EDIL3: variants seen among roughly 807,000 people sequenced by gnomAD.
EDIL3 encodes the protein EGF like and discoidin domains 3, also known as EGF-like repeat and discoidin I-like domain-containing protein 3.
EDIL3 carries 37 observed loss-of-function variants against 67.4 expected under a neutral mutation model. That is an observed-to-expected ratio of 0.55 (90% CI 0.42 to 0.72). The LOEUF (loss-of-function observed/expected upper bound fraction) is 0.72, where lower values mean the gene tolerates loss of function less well. Ranked by LOEUF, EDIL3 falls within the 30% of genes least tolerant of loss-of-function variation. The pLI, the probability that EDIL3 is intolerant of heterozygous loss-of-function variation, is 0.00. For missense variants in EDIL3, 527 were observed against 586.3 expected (o/e 0.90, Z 1.04); for synonymous variants, 195 against 196.3 (o/e 0.99, Z 0.05).
rs993562391 is a variant in EDIL3 at position 84,183,529 on chromosome 5, C to T, written c.227-3008G>A. Among the ~76,000 whole-genome samples the T allele has an allele frequency of 4.6e-5, 7 of 152,114 alleles. No homozygotes were observed. The East Asian group carries it at 1.2e-3, about 25-fold the overall frequency. ...AAGAGTCCTTGGAGATCACTTAATCCAACTTTCCAGTTTTGCAGGTGAGGA... is the reference window on the plus strand; with the variant it reads ...AAGAGTCCTTGGAGATCACTTAATCTAACTTTCCAGTTTTGCAGGTGAGGA... On this transcript the variant is annotated intron_variant, in intron 3 of 10. Coordinates refer to ENST00000296591, the MANE Select transcript of EDIL3 (RefSeq NM_005711.5).
chr5:84,384,090 G>A (rs1420433806), intron 1 of EDIL3, among the ~76,000 whole-genome samples: 6 of 151,812 alleles, frequency 4.0e-5, no homozygotes, highest in African/African-American at 1.5e-4. Context: ...ATCTCACCCC[G>A]GTACCCCGCA....
chr5:84,122,157 A>G (rs1458172890), intron 5 of EDIL3, among the ~76,000 whole-genome samples: 1 of 151,972 alleles, frequency 6.6e-6, no homozygotes, highest in Admixed American at 6.6e-5. Context: ...CTCTTCTGCA[A>G]CTAAGATAAG....
intron 6 of EDIL3, among the ~76,000 whole-genome samples, chr5:84,081,860 AC>A (rs1382032966): frequency 7.4e-6 from 1 of 135,594 alleles, no homozygotes; most frequent in African/African-American, 2.9e-5. Flanking sequence ...CTAAGAGCTG[AC>A]CCAGGCATGA....
At chr5:84,186,313 A>G (rs1743449378) in intron 3 of EDIL3, among the ~76,000 whole-genome samples, 1 of 152,124 alleles carries the variant, frequency 6.6e-6, no homozygotes, top group South Asian at 2.1e-4. Context: ...ACTGCCCAGT[A>G]TGTTACAGAA....
At chr5:84,212,764 C>A (rs188786219) in intron 3 of EDIL3, among the ~76,000 whole-genome samples, 1 of 152,024 alleles carries the variant, frequency 6.6e-6, no homozygotes, top group East Asian at 1.9e-4. Context: ...TAGAGAAGAC[C>A]GCCCTGCCTC....
At chr5:84,384,142 A>G (rs2271276) in intron 1 of EDIL3, among the ~76,000 whole-genome samples, 166 bp downstream of exon 1, 18,771 of 151,602 alleles carry the variant, frequency 0.12, 1,212 homozygotes, top group South Asian at 0.22. Flanking sequence ...CTCAGACTTT[A>G]CAAGCACTTT....
At chr5:84,296,794 A>G (rs2112125078) in intron 1 of EDIL3, among the ~76,000 whole-genome samples, 1 of 152,300 alleles carries the variant, frequency 6.6e-6, no homozygotes, top group East Asian at 1.9e-4. Context: ...GTGATCAGAC[A>G]AGCTACAGAA....
chr5:84,242,231 C>CAA lies in EDIL3; in HGVS notation c.196+11851_196+11852dup, dbSNP rs566552784. On this transcript the variant is annotated intron_variant, in intron 2 of 10. Coordinates refer to ENST00000296591, the MANE Select transcript of EDIL3 (RefSeq NM_005711.5). ...TGCGCGGCAGAGCGAGACTCTGTCT[C>CAA]AAAAAAAAAAAAAATTTACACAAAA... Among the ~76,000 whole-genome samples the CAA allele has an allele frequency of 2.7e-3, 358 of 130,780 alleles. 1 individual carries two copies. Among genetic ancestry groups the CAA allele is most frequent in the African/African-American group, 9.2e-3 (331 of 35,834 alleles). 85.8% of individuals were successfully genotyped at this position (130,780 alleles called of 152,430 possible).
intron 1 of EDIL3, among the ~76,000 whole-genome samples, chr5:84,293,533 A>G (rs1319762149): frequency 6.6e-6 from 1 of 152,056 alleles, no homozygotes; most frequent in Non-Finnish European, 1.5e-5. Flanking sequence ...AAACATAGGG[A>G]AAAATGAATC....
intron 3 of EDIL3, among the ~76,000 whole-genome samples, chr5:84,202,249 G>T (rs144827318): frequency 6.6e-6 from 1 of 152,030 alleles, no homozygotes; most frequent in Non-Finnish European, 1.5e-5. Context: ...CTGAGATGTA[G>T]CCTTGTCAGC....
At chr5:84,058,399 G>A (rs1372475851) in intron 9 of EDIL3, among the ~76,000 whole-genome samples, 1 of 151,986 alleles carries the variant, frequency 6.6e-6, no homozygotes, top group African/African-American at 2.4e-5. Context: ...CTTTAGAAAT[G>A]AATTTTTAAA....
intron 1 of EDIL3, among the ~76,000 whole-genome samples, chr5:84,255,538 C>T (rs1745108962): frequency 6.6e-6 from 1 of 152,102 alleles, no homozygotes; most frequent in South Asian, 2.1e-4. Flanking sequence ...ACTGCCACCT[C>T]CTGGACTCAA....
chr5:84,305,140 A>G (rs995912178), intron 1 of EDIL3, among the ~76,000 whole-genome samples: 1 of 152,246 alleles, frequency 6.6e-6, no homozygotes, highest in Non-Finnish European at 1.5e-5. Flanking sequence ...AAATAAATCT[A>G]GAATTAACAA....
intron 9 of EDIL3, among the ~76,000 whole-genome samples, chr5:84,014,460 T>C (rs1264853007): frequency 6.6e-6 from 1 of 152,048 alleles, no homozygotes; most frequent in Non-Finnish European, 1.5e-5. Flanking sequence ...GCCAGGCCAA[T>C]GTGGTGAAAC....
At chr5:84,274,548 C>T (rs570970047) in intron 1 of EDIL3, among the ~76,000 whole-genome samples, 123 of 152,132 alleles carry the variant, frequency 8.1e-4, no homozygotes, top group African/African-American at 2.9e-3. Flanking sequence ...CACTATTCAT[C>T]AGAAAAAATA....
At chr5:84,090,744 G>A (rs911699501) in intron 6 of EDIL3, among the ~76,000 whole-genome samples, 12 of 151,822 alleles carry the variant, frequency 7.9e-5, no homozygotes, top group Admixed American at 2.0e-4. Context: ...TCAAGAGACC[G>A]AGACCATCCT....
At chr5:84,164,684 C>T (rs900833557) in intron 4 of EDIL3, among the ~76,000 whole-genome samples, 2 of 151,972 alleles carry the variant, frequency 1.3e-5, no homozygotes, top group African/African-American at 4.8e-5. Flanking sequence ...ATTCATTTAC[C>T]CAATATATTT....
chr5:84,121,914 C>T (rs1166338148), intron 5 of EDIL3, among the ~76,000 whole-genome samples: 2 of 151,986 alleles, frequency 1.3e-5, no homozygotes. Context: ...TTCCAAACAA[C>T]AGTTATATCT....
chr5:84,207,415 G>T lies in EDIL3; in HGVS notation c.226+22440C>A, dbSNP rs539328469. Among the ~76,000 whole-genome samples the T allele has an allele frequency of 6.6e-5, 10 of 152,262 alleles. No individual in the cohort carries two copies. In the South Asian group the frequency reaches 2.1e-3, roughly 32 times the overall value. On this transcript the variant is annotated intron_variant, in intron 3 of 10. Coordinates refer to ENST00000296591, the MANE Select transcript of EDIL3 (RefSeq NM_005711.5). ...TAAAAGAGGATACAAACAAATGGAAGAAAATTCCATGCTCATGGGTAGGAA... is the reference window on the plus strand; with the variant it reads ...TAAAAGAGGATACAAACAAATGGAATAAAATTCCATGCTCATGGGTAGGAA...
Sources: gnomAD v4.1 joint callset for allele counts (sites outside exome capture counted in the v4.1 genomes callset) on GRCh38, gnomAD v4.1.1 for gene constraint, MANE v1.5 for transcripts, NCBI Gene and HGNC (gene_info 2026-07-23, HGNC 2026-07-21) for gene names.